The following ANO2 variants were observed in gnomAD, a reference collection of about 807,000 sequenced individuals.
ANO2 encodes anoctamin-2.
ANO2 carries 101 observed loss-of-function variants against 124.2 expected under a neutral mutation model. That is an observed-to-expected ratio of 0.81 (90% confidence interval 0.69 to 0.96). ANO2 has a LOEUF of 0.96. Ranked by LOEUF, ANO2 falls within the 40% of genes least tolerant of loss-of-function variation. The pLI is 0.00. For synonymous variants in ANO2, 486 were observed against 482.5 expected (o/e 1.01, Z -0.09); for missense variants, 1,293 against 1,274.5 (o/e 1.01, Z -0.22).
chr12:5,771,643 G>T (rs1413753799), intron 10 of ANO2, among the ~76,000 whole-genome samples: 1 of 152,098 alleles, frequency 6.6e-6, no homozygotes, highest in African/African-American at 2.4e-5. Flanking sequence ...AGCTGGGCAT[G>T]GTGGTGGGTG....
At chr12:5,875,673 T>C (rs1938046688) in intron 3 of ANO2, among the ~76,000 whole-genome samples, 1 of 152,166 alleles carries the variant, frequency 6.6e-6, no homozygotes, top group Non-Finnish European at 1.5e-5. Context: ...GCCGCTTGGC[T>C]CTCTCAGTAT....
rs1941696924 is a variant in ANO2 at position 5,565,571 on chromosome 12, A to G, written c.2714T>C (p.Val905Ala). ...CCAGCAACTCACCTGGAAGATTATGACAAAAGCCAGACGGGCGGACAGAAT... is the reference window on the plus strand; with the variant it reads ...CCAGCAACTCACCTGGAAGATTATGGCAAAAGCCAGACGGGCGGACAGAAT... ...WFILSARLAFVIIFQNLVMFL... is the reference protein window; with the variant it reads ...WFILSARLAFAIIFQNLVMFL... Residue 905 changes from valine to alanine, a missense_variant, in exon 24 of 25, where the codon GTC becomes GCC. Coordinates refer to ENST00000682330, the MANE Select transcript of ANO2 (RefSeq NM_001364791.2). The G allele has an allele frequency of 6.2e-7, 1 of 1,600,230 alleles. No homozygotes were observed. Among genetic ancestry groups the G allele is most frequent in the Non-Finnish European group, 8.5e-7 (1 of 1,172,860 alleles).
At chr12:5,844,993 T>C (rs1325339322) in intron 4 of ANO2, among the ~76,000 whole-genome samples, 1 of 150,404 alleles carries the variant, frequency 6.6e-6, no homozygotes, top group African/African-American at 2.4e-5. Context: ...AAGACTAGGC[T>C]GGGCATGGCA....
At chr12:5,835,993 G>T (rs1954302568) in intron 4 of ANO2, among the ~76,000 whole-genome samples, 1 of 152,228 alleles carries the variant, frequency 6.6e-6, no homozygotes, top group Admixed American at 6.5e-5. Flanking sequence ...TAAATGGCAT[G>T]TGTGCGGTAA....
Position 5,830,439 on chromosome 12 carries a change from C to A in ANO2, c.836G>T (p.Arg279Leu), listed in dbSNP as rs185666885. 8.7e-6 allele frequency: 14 copies of A among 1,612,340 alleles called. No individual in the cohort carries two copies. The Middle Eastern group carries it at 1.2e-3, about 133-fold the overall frequency. Residue 279 changes from arginine (R) to leucine (L), a missense_variant, in exon 6 of 25, where the codon CGC (arginine) becomes CTC (leucine). Physicochemically the swap from Arg to Leu is moderately radical, Grantham distance 102 (BLOSUM62 -2). Transcript: ENST00000682330. Reference sequence around the variant, plus strand: ...ACAGTACATCCATTTACTTACAATGCGGCTGCGGGTGGCATTATCAAAGAA... The same window carrying A: ...ACAGTACATCCATTTACTTACAATGAGGCTGCGGGTGGCATTATCAAAGAA... ...DTFFDNATRS[R>L]IVHEILKRTA...
chr12:5,626,671 C>T (rs1225791558), intron 16 of ANO2, among the ~76,000 whole-genome samples: 3 of 152,146 alleles, frequency 2.0e-5, no homozygotes, highest in South Asian at 2.1e-4. Flanking sequence ...TCTAATGAAG[C>T]CCTTACTCAC....
chr12:5,903,885 G>A (rs1208950020), intron 3 of ANO2, among the ~76,000 whole-genome samples: 1 of 152,134 alleles, frequency 6.6e-6, no homozygotes, highest in African/African-American at 2.4e-5. Context: ...TCCCACTTCT[G>A]AGCATCCTAG....
At chr12:5,917,139 T>G (rs1941427851) in intron 3 of ANO2, among the ~76,000 whole-genome samples, 1 of 152,018 alleles carries the variant, frequency 6.6e-6, no homozygotes, top group African/African-American at 2.4e-5. Flanking sequence ...AGTCTAACAC[T>G]GGTCAGTCGC....
chr12:5,900,502 TC>T lies in ANO2; in HGVS notation c.534+20537del, dbSNP rs1286190531. Among the ~76,000 whole-genome samples the T allele has an allele frequency of 2.0e-5, 3 of 152,206 alleles. No individual in the cohort carries two copies. Among genetic ancestry groups the T allele is most frequent in the Non-Finnish European group, 4.4e-5 (3 of 68,016 alleles). On this transcript the variant is annotated intron_variant, in intron 3 of 24. Coordinates refer to ENST00000682330, the MANE Select transcript of ANO2 (RefSeq NM_001364791.2). The surrounding 1 kb of genome is among the most constrained non-coding windows in gnomAD (Gnocchi z 4.2). ...AAAATGAGACGCTAATTAAAGACTC[TC>T]AAAGGTCCCTTCCAACTCTTTCTGA...
intron 4 of ANO2, among the ~76,000 whole-genome samples, chr12:5,849,201 T>C (rs955058991): frequency 5.3e-5 from 8 of 152,116 alleles, no homozygotes; most frequent in African/African-American, 1.7e-4. Context: ...ACAAAAGGGA[T>C]TTTTCACCCA....
chr12:5,735,806 G>A (rs547410137), intron 13 of ANO2, among the ~76,000 whole-genome samples: 4 of 152,286 alleles, frequency 2.6e-5, no homozygotes, highest in African/African-American at 9.6e-5. Context: ...AAGCAAGGAG[G>A]AGAATGACAC....
intron 15 of ANO2, among the ~76,000 whole-genome samples, chr12:5,645,313 C>T (rs1327470376): frequency 2.0e-5 from 3 of 152,040 alleles, no homozygotes; most frequent in East Asian, 1.9e-4. Flanking sequence ...CGCTTGAACC[C>T]GGGGGGCGGA....
intron 20 of ANO2, among the ~76,000 whole-genome samples, chr12:5,579,099 C>T (rs1435933799): frequency 6.6e-6 from 1 of 152,238 alleles, no homozygotes; most frequent in African/African-American, 2.4e-5. Context: ...ACTCTTCTTT[C>T]CATGTCTACA....
intron 7 of ANO2, among the ~76,000 whole-genome samples, chr12:5,812,702 GA>G (rs370611162): frequency 0.054 from 1,240 of 22,976 alleles, no homozygotes; most frequent in East Asian, 0.12. Context: ...GAAAGAGAAA[GA>G]AAAGAAGAAG....
intron 20 of ANO2, among the ~76,000 whole-genome samples, chr12:5,579,090 C>G (rs1342349255): frequency 6.6e-6 from 1 of 152,232 alleles, no homozygotes; most frequent in African/African-American, 2.4e-5. Flanking sequence ...CAGATTTGGA[C>G]TCTTCTTTCC....
intron 7 of ANO2, 72 bp downstream of exon 7, chr12:5,827,697 A>C (rs1419740873): frequency 6.7e-7 from 1 of 1,500,876 alleles, no homozygotes; most frequent in Admixed American, 1.9e-5. Context: ...CGACCAAGGG[A>C]GCTGTTGAAA....
intron 10 of ANO2, among the ~76,000 whole-genome samples, chr12:5,785,937 G>T (rs2137141048): frequency 6.6e-6 from 1 of 152,054 alleles, no homozygotes; most frequent in Middle Eastern, 3.4e-3. Flanking sequence ...TGTCCCAACA[G>T]GAAAACACAT....
chr12:5,843,479 G>A (rs939546911), intron 4 of ANO2, among the ~76,000 whole-genome samples: 6 of 151,950 alleles, frequency 3.9e-5, no homozygotes, highest in Admixed American at 1.3e-4. Context: ...GAACCTGAGC[G>A]ACAGAGTTTG....
chr12:5,577,102 C>T (rs560540375), intron 22 of ANO2, among the ~76,000 whole-genome samples: 5 of 152,354 alleles, frequency 3.3e-5, no homozygotes, highest in East Asian at 3.9e-4. Context: ...TTCAAAGTAG[C>T]GGACTGATCT....
Sources: gnomAD v4.1 joint callset for allele counts (sites outside exome capture counted in the v4.1 genomes callset) on GRCh38, gnomAD v4.1.1 for gene constraint, Gnocchi (gnomAD v3.1) non-coding constraint, MANE v1.5 for transcripts, NCBI Gene and HGNC (gene_info 2026-07-23, HGNC 2026-07-21) for gene names.